The following FAM227A variants were observed in gnomAD, a reference collection of about 807,000 sequenced individuals.
FAM227A encodes the protein protein FAM227A.
Under a neutral mutation model 74.7 loss-of-function variants are expected in FAM227A, and 80 were observed. The ratio of observed to expected loss-of-function variants is 1.07; its 90% CI spans 0.89 to 1.29. FAM227A has a LOEUF of 1.29. Among genes scored for constraint, FAM227A ranks in the 50% most tolerant of loss-of-function variants. The pLI is 0.00. For missense variants in FAM227A, 654 were observed against 683.4 expected, an observed-to-expected ratio of 0.96 and a Z score of 0.48; for synonymous variants, 237 against 241.8, an observed-to-expected ratio of 0.98 and a Z score of 0.19.
chr22:38,628,159 T>C (rs2091847786), intron 8 of FAM227A, 79 bp downstream of exon 8: 4 of 854,078 alleles, frequency 4.7e-6, no homozygotes, highest in Non-Finnish European at 7.7e-6. Context: ...ATGTAAAGAA[T>C]GTTTAAGACA....
chr22:38,631,271 T>C (rs1453430988), intron 6 of FAM227A, among the ~76,000 whole-genome samples: 1 of 129,664 alleles, frequency 7.7e-6, no homozygotes, highest in Non-Finnish European at 1.8e-5. Context: ...CTATCCTAAG[T>C]GATCTAACTC....
At chr22:38,621,874 G>A (rs1371918957) in intron 10 of FAM227A, among the ~76,000 whole-genome samples, 3 of 152,130 alleles carry the variant, frequency 2.0e-5, no homozygotes, top group Non-Finnish European at 1.5e-5. Context: ...ACCTTCTCAA[G>A]GCTGGACTGG....
At chr22:38,612,761 T>C (rs1316095673) in intron 11 of FAM227A, among the ~76,000 whole-genome samples, 2 of 151,638 alleles carry the variant, frequency 1.3e-5, no homozygotes, top group Admixed American at 6.6e-5. Flanking sequence ...AGGAGTAGAG[T>C]AGAACTTTTA....
At chr22:38,601,778 T>C (rs905181441) in intron 13 of FAM227A, among the ~76,000 whole-genome samples, 1 of 151,772 alleles carries the variant, frequency 6.6e-6, no homozygotes, top group African/African-American at 2.4e-5. Flanking sequence ...TCTACGTAGG[T>C]GTGAGAAAGA....
Position 38,585,796 on chromosome 22 carries a change from T to C in FAM227A, c.*329A>G, listed in dbSNP as rs2090793676. 2.3e-6 allele frequency: 1 copy of C among 432,932 alleles called. No individual in the cohort carries two copies. Among genetic ancestry groups the C allele is most frequent in the Non-Finnish European group, 4.1e-6 (1 of 246,668 alleles). 26.8% of individuals were successfully genotyped at this position (432,932 alleles called of 1,614,324 possible). A position where few individuals can be genotyped will look rare whatever the true frequency, so the allele number is the denominator to read the frequency against. The stretch of plus-strand genomic sequence containing the variant: ...AACCTGGGCTTGCTGCTGCGTAAAA[T>C]GCAGTGGATAATCCCTACTTCATAC... On this transcript the variant is annotated 3_prime_UTR_variant, in exon 17 of 17. Transcript: ENST00000535113.
chr22:38,646,694 A>T (rs1327390728), intron 2 of FAM227A, among the ~76,000 whole-genome samples: 1 of 150,536 alleles, frequency 6.6e-6, no homozygotes, highest in African/African-American at 2.4e-5. Context: ...TCGCCCGGCC[A>T]CTCTTCCATT....
intron 13 of FAM227A, among the ~76,000 whole-genome samples, chr22:38,600,828 T>C (rs2091158628): frequency 6.6e-6 from 1 of 151,820 alleles, no homozygotes; most frequent in Admixed American, 6.6e-5. Flanking sequence ...GGCATGCGCC[T>C]GTAGTCCCAG....
chr22:38,628,894 A>C lies in FAM227A; in HGVS notation c.561T>G (p.Ser187=). 1 of 1,546,184 alleles carries C rather than the reference A, an allele frequency of 6.5e-7. No individual in the cohort carries two copies. Among genetic ancestry groups the C allele is most frequent in the Non-Finnish European group, 8.7e-7 (1 of 1,144,100 alleles). The change falls in exon 7 of 17, where the codon TCT becomes TCG. Residue 187 remains serine (S), a synonymous_variant. Coordinates refer to ENST00000535113, the MANE Select transcript of FAM227A (RefSeq NM_001013647.2). The part of the protein sequence containing the change: ...SGRELEKFLS[S]SSPRAIWLDS... Reference sequence around the variant, plus strand: ...CCAGCCAGATGGCTCTTGGAGAAGAAGAAGAGAGAAACTTCTCTAATTCTC... The same window carrying C: ...CCAGCCAGATGGCTCTTGGAGAAGACGAAGAGAGAAACTTCTCTAATTCTC...
At chr22:38,609,164 G>A (rs1263928185) in intron 11 of FAM227A, among the ~76,000 whole-genome samples, 4 of 152,194 alleles carry the variant, frequency 2.6e-5, no homozygotes, top group Non-Finnish European at 5.9e-5. Context: ...CAGGCAGCAG[G>A]AGGGAGGAAA....
At chr22:38,605,917 A>C (rs945421732) in intron 12 of FAM227A, among the ~76,000 whole-genome samples, 4 of 152,240 alleles carry the variant, frequency 2.6e-5, no homozygotes, top group Admixed American at 1.3e-4. Context: ...TTTAAATAAC[A>C]ATAATGATGT....
At position 38,585,855 on chromosome 22, in the gene FAM227A, C is replaced by CAT. The variant is rs899173143; in HGVS notation, c.*268_*269dup. 7 of 683,678 alleles carry CAT rather than the reference C, an allele frequency of 1.0e-5. No individual in the cohort carries two copies. Among genetic ancestry groups the CAT allele is most frequent in the Non-Finnish European group, 1.6e-5 (7 of 430,520 alleles). The allele number at this position is 683,678 out of a possible 1,614,324, so 42.4% of individuals were successfully genotyped here. ...TGAAAGTTTTACCTTTGTATGAGGT[C>CAT]ATATTTGTAACATACTTACCAGCAT... On this transcript the variant is annotated 3_prime_UTR_variant, in exon 17 of 17. Coordinates refer to ENST00000535113, the MANE Select transcript of FAM227A (RefSeq NM_001013647.2).
chr22:38,645,577 A>G lies in FAM227A; in HGVS notation c.211T>C (p.Ser71Pro), dbSNP rs201920502. Residue 71 changes from serine to proline, a missense_variant, in exon 3 of 17, where the codon TCG (serine) becomes CCG (proline). Ser to Pro is a moderately conservative substitution (Grantham distance 74, BLOSUM62 -1). Transcript: ENST00000535113. ...IADINLRTEP[S>P]ANSLAIERFE... ...AGGTAACTCACCAGGCTGTTGGCCG[A>G]CGGCTCGGTACGCAGATTTATGTCA... 3 of 1,551,332 alleles carry G rather than the reference A, an allele frequency of 1.9e-6. No individual in the cohort carries two copies. The highest frequency in any genetic ancestry group is 2.6e-6 in the Non-Finnish European group (3 of 1,146,802).
intron 2 of FAM227A, among the ~76,000 whole-genome samples, chr22:38,646,180 AAG>A (rs939575942): frequency 3.3e-5 from 5 of 151,992 alleles, no homozygotes; most frequent in Non-Finnish European, 7.4e-5. Flanking sequence ...AAAAGTGAAA[AAG>A]AGCCATCCAT....
chr22:38,610,307 G>A (rs561412306), intron 11 of FAM227A, among the ~76,000 whole-genome samples: 6 of 152,262 alleles, frequency 3.9e-5, no homozygotes, highest in African/African-American at 1.2e-4. Flanking sequence ...TTACAGGCCT[G>A]AGCCACCACT....
intron 6 of FAM227A, among the ~76,000 whole-genome samples, chr22:38,635,447 G>A (rs763821980): frequency 1.3e-5 from 2 of 152,004 alleles, no homozygotes; most frequent in African/African-American, 2.4e-5. Context: ...GAGCCATGAG[G>A]CACAGCTGTA....
At chr22:38,629,041 T>C in intron 6 of FAM227A, 106 bp from the exon 7 acceptor site, 3 of 669,872 alleles carry the variant, frequency 4.5e-6, no homozygotes, top group South Asian at 1.9e-5. Context: ...AATCTGTTAG[T>C]GAGGCCCTAC....
chr22:38,601,136 T>C (rs753282400), intron 13 of FAM227A, among the ~76,000 whole-genome samples: 1 of 151,986 alleles, frequency 6.6e-6, no homozygotes, highest in Non-Finnish European at 1.5e-5. Context: ...GGAGTTTACA[T>C]TACAGTTGGA....
intron 13 of FAM227A, among the ~76,000 whole-genome samples, chr22:38,603,199 T>C (rs2091213388): frequency 1.3e-5 from 2 of 152,202 alleles, no homozygotes; most frequent in African/African-American, 4.8e-5. Flanking sequence ...TAAAATTATT[T>C]GCATTACTGT....
intron 8 of FAM227A, among the ~76,000 whole-genome samples, chr22:38,626,891 A>ATATATATATATATATAT (rs1555966995): frequency 1.7e-5 from 1 of 57,690 alleles, no homozygotes; most frequent in African/African-American, 8.7e-5. Flanking sequence ...AAAAAAAAAA[A>ATATATATATATATATAT]ATATATATAT....
Sources: gnomAD v4.1 joint callset for allele counts (sites outside exome capture counted in the v4.1 genomes callset) on GRCh38, gnomAD v4.1.1 for gene constraint, MANE v1.5 for transcripts, NCBI Gene and HGNC (gene_info 2026-07-23, HGNC 2026-07-21) for gene names.